SETD1B: variants seen among roughly 807,000 people sequenced by gnomAD.
SETD1B encodes histone-lysine N-methyltransferase SETD1B.
A neutral mutation model predicts 148.0 loss-of-function variants in SETD1B; 7 were observed. That is an observed-to-expected ratio of 0.05 (90% CI 0.03 to 0.09). SETD1B has a LOEUF of 0.09. SETD1B is among the 10% of genes least tolerant of loss of function. The pLI is 1.00. For missense variants in SETD1B, 2,155 were observed against 2,729.9 expected (o/e 0.79, Z 4.69); for synonymous variants, 1,361 against 1,186.5 (o/e 1.15, Z -3.02).
At chr12:121,819,192 C>A (rs530867868) in intron 10 of SETD1B, among the ~76,000 whole-genome samples, 34 of 152,044 alleles carry the variant, frequency 2.2e-4, no homozygotes, top group African/African-American at 7.7e-4. Context: ...TGCAGTGAGC[C>A]GAGATCGTGC....
upstream of SETD1B, chr12:121,799,722 G>GTGGGGGGGT (rs1237050060): frequency 1.1e-4 from 13 of 123,004 alleles, no homozygotes; most frequent in Non-Finnish European, 2.0e-4. Context: ...GCAGCTGGGG[G>GTGGGGGGGT]GGGGGGGGTG....
At position 121,810,649 on chromosome 12, in the gene SETD1B, C is replaced by G. The variant is rs545294812; in HGVS notation, c.1704C>G (p.Gly568=). 7.7e-6 allele frequency: 12 copies of G among 1,549,082 alleles called. No homozygotes were observed. The highest frequency in any genetic ancestry group is 9.6e-6 in the Non-Finnish European group (11 of 1,146,644). ...TPPSSRPSST[G]LEDISPTPLP... The stretch of plus-strand genomic sequence containing the variant: ...CCTCGTCACGCCCCTCCAGCACCGG[C>G]CTGGAGGATATCAGCCCAACACCCC... The change falls in exon 6 of 17, where the codon GGC becomes GGG. Residue 568 remains glycine (G), a synonymous_variant. Transcript: ENST00000604567. This position sits in a 1 kb window ranked among gnomAD's most constrained non-coding sequence, Gnocchi z 7.6.
Position 121,817,317 on chromosome 12 carries a change from T to C in SETD1B, c.2977+23T>C, listed in dbSNP as rs1314478349. 6.5e-7 allele frequency: 1 copy of C among 1,543,370 alleles called. No individual in the cohort carries two copies. Among genetic ancestry groups the C allele is most frequent in the South Asian group, 1.2e-5 (1 of 83,200 alleles). ...AAGGTTCGTGCTCTGGGTGCTGGGG[T>C]CCCCTTCTTCCGCATCCCCCCAGCC... is the stretch of plus-strand genomic sequence containing the variant. On this transcript the variant is annotated intron_variant, in intron 8 of 16. Coordinates refer to ENST00000604567, the MANE Select transcript of SETD1B (RefSeq NM_001353345.2). This position sits in a 1 kb window ranked among gnomAD's most constrained non-coding sequence, Gnocchi z 8.1.
At chr12:121,791,459 G>A in the SETD1B span, among the ~76,000 whole-genome samples, 1 of 152,192 alleles carries the variant, frequency 6.6e-6, no homozygotes, top group African/African-American at 2.4e-5. Context: ...TGGGGTCAAA[G>A]CCCAGATCTG....
the SETD1B span, among the ~76,000 whole-genome samples, chr12:121,796,725 G>C: frequency 1.3e-5 from 2 of 152,338 alleles, no homozygotes; most frequent in East Asian, 3.9e-4. Flanking sequence ...CGTCACAAAA[G>C]CCAGACTCAG....
At chr12:121,799,582 T>TA (rs1433625237), upstream of SETD1B, 1 of 152,114 alleles carries the variant, frequency 6.6e-6, no homozygotes, top group Non-Finnish European at 1.5e-5. Flanking sequence ...AACTGGGAAA[T>TA]ACTTGCAAGT....
intron 7 of SETD1B, among the ~76,000 whole-genome samples, chr12:121,815,184 T>A (rs906806167): frequency 7.9e-5 from 12 of 152,162 alleles, no homozygotes; most frequent in Non-Finnish European, 1.0e-4. Flanking sequence ...CCCAGCACTT[T>A]GGGAGGCTGA....
chr12:121,819,921 GT>G, intron 11 of SETD1B, 26 bp downstream of exon 11: 1 of 1,533,852 alleles, frequency 6.5e-7, no homozygotes, highest in Non-Finnish European at 8.8e-7. Flanking sequence ...CCCTGGGAGG[GT>G]GGTGGGAGGG....
intron 11 of SETD1B, among the ~76,000 whole-genome samples, chr12:121,820,888 T>C (rs1416782604): frequency 1.3e-5 from 2 of 152,208 alleles, no homozygotes; most frequent in East Asian, 3.8e-4. Context: ...CCCCTGTACA[T>C]TGAACACATG....
the SETD1B span, chr12:121,797,316 G>A: frequency 2.5e-5 from 10 of 401,838 alleles, no homozygotes; most frequent in African/African-American, 8.3e-5. Flanking sequence ...TTCCGCTGGC[G>A]TGGCCCTCTC....
the SETD1B span, chr12:121,793,132 C>T: frequency 5.2e-6 from 8 of 1,546,984 alleles, no homozygotes; most frequent in South Asian, 2.4e-5. Context: ...TCGGGCCCCC[C>T]GGCGCGCAGG....
the SETD1B span, chr12:121,795,735 TG>T: frequency 1.3e-5 from 2 of 152,200 alleles, no homozygotes; most frequent in Admixed American, 6.6e-5. Context: ...CTCTAAGAGG[TG>T]GAAGAAGAGG....
chr12:121,791,344 G>A, the SETD1B span, among the ~76,000 whole-genome samples: 6 of 152,162 alleles, frequency 3.9e-5, no homozygotes, highest in Non-Finnish European at 8.8e-5. Flanking sequence ...CAGGCTGGTG[G>A]ACATCATATA....
In SETD1B at chr12:121,823,598, G is replaced by A. The variant is rs1166774365; in HGVS notation, c.5019G>A (p.Ser1673=). 5.2e-6 allele frequency: 8 copies of A among 1,551,360 alleles called. No individual in the cohort carries two copies. Among genetic ancestry groups the A allele is most frequent in the Admixed American group, 2.0e-5 (1 of 50,972 alleles). The change falls in exon 12 of 17, where the codon TCG becomes TCA. Residue 1673 remains serine, a synonymous_variant. Transcript: ENST00000604567. ...SPPQPLFRPR[S]EFEEMTILYD... Reference sequence around the variant, plus strand: ...CCCAGCCCCTCTTCCGGCCCCGCTCGGAGTTTGAGGAGATGACCATCCTGT... The same window carrying A: ...CCCAGCCCCTCTTCCGGCCCCGCTCAGAGTTTGAGGAGATGACCATCCTGT...
At chr12:121,829,919 G>A (rs1348105200) in intron 16 of SETD1B, 147 bp from the exon 17 acceptor site, 4 of 569,914 alleles carry the variant, frequency 7.0e-6, no homozygotes, top group South Asian at 3.3e-5. Flanking sequence ...GGGGGTCGGG[G>A]GAGCCAAGGT....
Position 121,817,660 on chromosome 12 carries a change from A to G in SETD1B, c.3268A>G (p.Arg1090Gly). 1 of 1,550,944 alleles carries G rather than the reference A, an allele frequency of 6.4e-7. No individual in the cohort carries two copies. Among genetic ancestry groups the G allele is most frequent in the South Asian group, 1.2e-5 (1 of 84,058 alleles). ...GGAGGAGGAGGAGGAGGAAGTCCCC[A>G]GGAGCCAGCTCTCCTCCTCCTCAAC... ...AEEEEEEEVPRSQLSSSSTSS... is the reference protein window; with the variant it reads ...AEEEEEEEVPGSQLSSSSTSS... Residue 1090 changes from arginine (R) to glycine (G), a missense_variant, in exon 9 of 17, where the codon AGG becomes GGG. Physicochemically the swap from Arg to Gly is moderately radical, Grantham distance 125. Transcript: ENST00000604567. The surrounding 1 kb of genome is among the most constrained non-coding windows in gnomAD (Gnocchi z 8.1).
At position 121,809,668 on chromosome 12, in the gene SETD1B, CTCT is replaced by C. The variant is rs1286842087; in HGVS notation, c.724_726del (p.Ser242del). ...CTGCAGGCTGTGGCTCCGGCTCCTC[CTCT>C]GTCACCCCCAATAGCGGTGGGACAC... On this transcript the variant is annotated inframe_deletion, in exon 6 of 17. Coordinates refer to ENST00000604567, the MANE Select transcript of SETD1B (RefSeq NM_001353345.2). The C allele has an allele frequency of 3.2e-6, 5 of 1,551,556 alleles. No individual in the cohort carries two copies. The African/African-American group carries it at 6.8e-5, about 21-fold the overall frequency.
rs995190002 is a variant in SETD1B at position 121,830,288 on chromosome 12, G to A, written c.*49G>A. ...TGTCAGCCGTAGCCCTGGGACTCCC[G>A]AGCGTGGAGCCCCTGGCCCCGGGGC... is the stretch of plus-strand genomic sequence containing the variant. On this transcript the variant is annotated 3_prime_UTR_variant, in exon 17 of 17. Coordinates refer to ENST00000604567, the MANE Select transcript of SETD1B (RefSeq NM_001353345.2). This position sits in a 1 kb window ranked among gnomAD's most constrained non-coding sequence, Gnocchi z 5.7. 19 of 1,514,016 alleles carry A rather than the reference G, an allele frequency of 1.3e-5. No individual in the cohort carries two copies. Among genetic ancestry groups the A allele is most frequent in the African/African-American group, 1.1e-4 (8 of 72,246 alleles). 93.8% of individuals were successfully genotyped at this position (1,514,016 alleles called of 1,614,324 possible).
chr12:121,790,916 C>T, the SETD1B span, among the ~76,000 whole-genome samples: 1 of 152,302 alleles, frequency 6.6e-6, no homozygotes, highest in East Asian at 1.9e-4. Flanking sequence ...CTCTGTTGCC[C>T]AGGCTGGAGT....
Sources: gnomAD v4.1 joint callset for allele counts (sites outside exome capture counted in the v4.1 genomes callset) on GRCh38, gnomAD v4.1.1 for gene constraint, Gnocchi (gnomAD v3.1) non-coding constraint, MANE v1.5 for transcripts, NCBI Gene and HGNC (gene_info 2026-07-23, HGNC 2026-07-21) for gene names.